CERS6: variants seen among roughly 807,000 people sequenced by gnomAD.
CERS6 encodes ceramide synthase 6.
A neutral mutation model predicts 56.8 loss-of-function variants in CERS6; 26 were observed. The ratio of observed to expected loss-of-function variants is 0.46; its 90% CI spans 0.34 to 0.63. CERS6 has a LOEUF of 0.63. CERS6 is among the 30% of genes least tolerant of loss of function. The pLI is 0.01. For synonymous variants in CERS6, 164 were observed against 173.3 expected (o/e 0.95, Z 0.42); for missense variants, 415 against 467.5 (o/e 0.89, Z 1.04).
At chr2:168,517,187 G>C (rs548795501) in intron 1 of CERS6, among the ~76,000 whole-genome samples, 1 of 151,594 alleles carries the variant, frequency 6.6e-6, no homozygotes, top group Non-Finnish European at 1.5e-5. Context: ...GGGATCAGGA[G>C]GATGATTATA....
At chr2:168,679,933 G>A (rs1469958019) in intron 4 of CERS6, among the ~76,000 whole-genome samples, 5 of 152,156 alleles carry the variant, frequency 3.3e-5, no homozygotes, top group African/African-American at 9.7e-5. Flanking sequence ...CTTTTTAAAC[G>A]TTGATGACTG....
chr2:168,510,050 A>G (rs2105349931), intron 1 of CERS6, among the ~76,000 whole-genome samples: 1 of 152,196 alleles, frequency 6.6e-6, no homozygotes, highest in South Asian at 2.1e-4. Flanking sequence ...TTTAAAAATC[A>G]GTAGTATATT....
intron 8 of CERS6, among the ~76,000 whole-genome samples, chr2:168,764,579 T>A (rs1684677319): frequency 6.6e-6 from 1 of 152,140 alleles, no homozygotes; most frequent in Non-Finnish European, 1.5e-5. Flanking sequence ...CTAATGACTC[T>A]CCTACTAGAT....
intron 1 of CERS6, among the ~76,000 whole-genome samples, chr2:168,483,502 A>G (rs986240188): frequency 1.1e-4 from 17 of 152,190 alleles, no homozygotes; most frequent in African/African-American, 3.6e-4. Context: ...GAGAAAACAG[A>G]CTTGGTTCAG....
chr2:168,773,323 A>G lies in CERS6; in HGVS notation c.*3661A>G, dbSNP rs1684914631. 6.6e-6 allele frequency: 1 copy of G among 152,238 alleles called. No homozygotes were observed. Among genetic ancestry groups the G allele is most frequent in the South Asian group, 2.1e-4 (1 of 4,838 alleles). The allele number at this position is 152,238 out of a possible 1,614,324, so 9.4% of individuals were successfully genotyped here. On this transcript the variant is annotated 3_prime_UTR_variant, in exon 10 of 10. Coordinates refer to ENST00000305747, the MANE Select transcript of CERS6 (RefSeq NM_203463.3). ...TAACAGTATGTGTGGTGATGTCATT[A>G]TCTCCAGAGAGGCTTCAAGAAATCC... is the stretch of plus-strand genomic sequence containing the variant.
intron 3 of CERS6, among the ~76,000 whole-genome samples, chr2:168,566,133 G>A (rs745944929): frequency 2.0e-5 from 3 of 152,046 alleles, no homozygotes; most frequent in South Asian, 2.1e-4. Context: ...TTTGAGTATC[G>A]TGCAGTACAT....
At chr2:168,724,931 G>A (rs1459062095) in intron 8 of CERS6, among the ~76,000 whole-genome samples, 2 of 152,240 alleles carry the variant, frequency 1.3e-5, no homozygotes, top group Non-Finnish European at 2.9e-5. Context: ...GATGGGACTG[G>A]GCGCCGTGGA....
intron 4 of CERS6, among the ~76,000 whole-genome samples, chr2:168,645,138 TATATAG>T (rs1374020275): frequency 1.0e-4 from 3 of 30,030 alleles, no homozygotes; most frequent in East Asian, 7.2e-4. Flanking sequence ...TATATATATA[TATATAG>T]AGAGAGAGAG....
chr2:168,684,149 T>C (rs922759492), intron 4 of CERS6, among the ~76,000 whole-genome samples: 24 of 152,202 alleles, frequency 1.6e-4, no homozygotes, highest in African/African-American at 5.8e-4. Flanking sequence ...GCCTGATCAA[T>C]ATGAAGGACT....
intron 1 of CERS6, among the ~76,000 whole-genome samples, chr2:168,513,310 T>G (rs1349753712): frequency 6.6e-6 from 1 of 152,260 alleles, no homozygotes; most frequent in Non-Finnish European, 1.5e-5. Flanking sequence ...TGTTATTAAA[T>G]GACTTTCATA....
At chr2:168,538,826 C>G (rs1006882445) in intron 1 of CERS6, among the ~76,000 whole-genome samples, 4 of 152,202 alleles carry the variant, frequency 2.6e-5, no homozygotes, top group Non-Finnish European at 4.4e-5. Flanking sequence ...TGTGGCCTTT[C>G]TTCTTTGTCT....
chr2:168,617,754 A>G (rs1312484235), intron 3 of CERS6, among the ~76,000 whole-genome samples: 1 of 151,944 alleles, frequency 6.6e-6, no homozygotes, highest in Middle Eastern at 3.2e-3. Flanking sequence ...CTTAGCAACA[A>G]AAAAAAGTCC....
intron 2 of CERS6, among the ~76,000 whole-genome samples, chr2:168,559,733 T>TTTTATA (rs61031993): frequency 0.03 from 2,020 of 66,314 alleles, 292 homozygotes; most frequent in African/African-American, 0.095. Flanking sequence ...TAGAAAGGTA[T>TTTTATA]CATATATATA....
chr2:168,737,086 TCTACCTTGA>T (rs925480487), intron 8 of CERS6, among the ~76,000 whole-genome samples: 1 of 152,222 alleles, frequency 6.6e-6, no homozygotes, highest in East Asian at 1.9e-4. Flanking sequence ...CCTGCTTCTG[TCTACCTTGA>T]CCTCTTCCTG....
At chr2:168,655,807 G>A (rs111830564) in intron 4 of CERS6, among the ~76,000 whole-genome samples, 24 of 152,178 alleles carry the variant, frequency 1.6e-4, no homozygotes, top group Non-Finnish European at 2.5e-4. Context: ...ATAGCATGAG[G>A]ACTGTAGTTA....
chr2:168,731,971 A>C (rs145088834), intron 8 of CERS6, among the ~76,000 whole-genome samples: 1 of 152,246 alleles, frequency 6.6e-6, no homozygotes, highest in African/African-American at 2.4e-5. Flanking sequence ...TTTCTTATAC[A>C]TTAAGTCTAC....
At chr2:168,649,804 C>T (rs1444852112) in intron 4 of CERS6, among the ~76,000 whole-genome samples, 1 of 151,454 alleles carries the variant, frequency 6.6e-6, no homozygotes, top group Non-Finnish European at 1.5e-5. Context: ...CTCCCCTACC[C>T]CATCACACTC....
intron 1 of CERS6, among the ~76,000 whole-genome samples, chr2:168,469,991 A>AT (rs1693947627): frequency 6.6e-6 from 1 of 152,146 alleles, no homozygotes; most frequent in Non-Finnish European, 1.5e-5. Flanking sequence ...CAGTGCCATT[A>AT]TAGAGTAACC....
chr2:168,595,164 T>C (rs73024510), intron 3 of CERS6, among the ~76,000 whole-genome samples: 42 of 152,260 alleles, frequency 2.8e-4, no homozygotes, highest in African/African-American at 9.4e-4. Context: ...ATGGTTGCTT[T>C]TAAAAAAGTT....
Sources: allele counts gnomAD v4.1 joint callset (sites outside exome capture counted in the v4.1 genomes callset), GRCh38; gene constraint gnomAD v4.1.1; transcripts MANE v1.5; gene names NCBI Gene and HGNC (gene_info 2026-07-23, HGNC 2026-07-21).